Variants in RRBP1 observed in about 807,000 individuals in gnomAD.
The protein encoded by RRBP1 is ribosome binding protein 1.
In RRBP1, 94 loss-of-function variants were observed where a neutral mutation model predicts 165.2. The ratio of observed to expected loss-of-function variants is 0.57; its 90% CI spans 0.48 to 0.68. The LOEUF is 0.68. RRBP1 is among the 30% of genes least tolerant of loss of function. RRBP1 has a pLI of 0.00. For missense variants in RRBP1, 1,676 were observed against 1,763.0 expected (o/e 0.95, Z 0.88); for synonymous variants, 680 against 714.5 (o/e 0.95, Z 0.77).
chr20:17,647,208 AAAGTT>A (rs1340765996), intron 3 of RRBP1, among the ~76,000 whole-genome samples: 2 of 152,220 alleles, frequency 1.3e-5, no homozygotes, highest in African/African-American at 4.8e-5. Context: ...CTGGGCCTGG[AAAGTT>A]AAGTTATAGG....
chr20:17,615,482 G>T lies in RRBP1; in HGVS notation c.3999C>A (p.Arg1333=), dbSNP rs773235246. 6.2e-6 allele frequency: 10 copies of T among 1,607,654 alleles called. No individual in the cohort carries two copies. The highest frequency in any genetic ancestry group is 7.6e-6 in the Non-Finnish European group (9 of 1,178,052). Residue 1333 remains arginine, a synonymous_variant, in exon 23 of 25, where the codon CGC becomes CGA. Coordinates refer to ENST00000377813, the MANE Select transcript of RRBP1 (RefSeq NM_001365613.2). ...CTGAAGACTCTAGGGGGCCGGCTGT[G>T]CGGAGCTTCTCCAATTCTTCTTGTA... ...CRLQEELEKL[R]TAGPLESSET...
intron 5 of RRBP1, among the ~76,000 whole-genome samples, chr20:17,639,668 C>T (rs542429049): frequency 2.9e-4 from 44 of 152,176 alleles, no homozygotes; most frequent in African/African-American, 1.0e-3. Context: ...CCGAGGTGGG[C>T]GGATCACCTG....
intron 9 of RRBP1, 127 bp from the exon 10 acceptor site, chr20:17,627,809 G>A (rs754918047): frequency 6.9e-5 from 61 of 879,250 alleles, no homozygotes; most frequent in Non-Finnish European, 9.7e-5. Flanking sequence ...TCCTCTGTGT[G>A]TCTGGGGCTC....
chr20:17,663,666 G>A (rs1272921019), intron 2 of RRBP1, among the ~76,000 whole-genome samples: 2 of 152,216 alleles, frequency 1.3e-5, no homozygotes, highest in Admixed American at 1.3e-4. Flanking sequence ...TCAGTGAGGC[G>A]TAAACATCAT....
intron 3 of RRBP1, among the ~76,000 whole-genome samples, chr20:17,648,767 G>A (rs1158995922): frequency 6.6e-6 from 1 of 151,944 alleles, no homozygotes; most frequent in East Asian, 1.9e-4. Flanking sequence ...TTTTATACCT[G>A]GAGTTAAAAA....
chr20:17,657,606 A>AAGGAG (rs1021442703), intron 3 of RRBP1, among the ~76,000 whole-genome samples: 2 of 152,196 alleles, frequency 1.3e-5, no homozygotes, highest in Non-Finnish European at 2.9e-5. Context: ...AAGAAAAGGA[A>AAGGAG]AGGAGAGGAG....
chr20:17,633,987 C>T (rs6044920), intron 7 of RRBP1, among the ~76,000 whole-genome samples: 7,949 of 152,250 alleles, frequency 0.052, 629 homozygotes, highest in African/African-American at 0.17. Context: ...CAGCAGCCCA[C>T]GGAGTCCACG....
In RRBP1 at chr20:17,655,131, G is replaced by C. The variant is rs2036624405; in HGVS notation, c.1912+3465C>G. 1.3e-5 allele frequency among the ~76,000 whole-genome samples: 2 copies of C among 152,174 alleles called. 1 individual carries two copies. Among genetic ancestry groups the C allele is most frequent in the South Asian group, 4.1e-4 (2 of 4,828 alleles). ...TTTCCAAAGGGCGTTCCCAGCTCCA[G>C]GGGGCGCTGTCACAAACACAAGATC... On this transcript the variant is annotated intron_variant, in intron 3 of 24. Coordinates refer to ENST00000377813, the MANE Select transcript of RRBP1 (RefSeq NM_001365613.2).
intron 3 of RRBP1, among the ~76,000 whole-genome samples, chr20:17,644,792 T>TG (rs1270728242): frequency 1.3e-5 from 2 of 151,920 alleles, no homozygotes; most frequent in Non-Finnish European, 2.9e-5. Flanking sequence ...AGATTTGGTA[T>TG]GAAAAAAAAA....
chr20:17,639,517 G>A (rs1476896521), intron 5 of RRBP1, among the ~76,000 whole-genome samples: 2 of 152,244 alleles, frequency 1.3e-5, no homozygotes, highest in Non-Finnish European at 1.5e-5. Flanking sequence ...ATTAAGGTAA[G>A]AGGAACTGCC....
intron 11 of RRBP1, 106 bp downstream of exon 11, chr20:17,627,242 T>C: frequency 8.7e-7 from 1 of 1,143,036 alleles, no homozygotes; most frequent in Non-Finnish European, 1.3e-6. Context: ...AAAGGGGCTC[T>C]TCTGCAGAGG....
rs926957605 is a variant in RRBP1 at position 17,621,786 on chromosome 20, A to G, written c.3241-13T>C. 3 of 1,613,696 alleles carry G rather than the reference A, an allele frequency of 1.9e-6. No homozygotes were observed. The African/African-American group carries it at 4.0e-5, about 22-fold the overall frequency. The stretch of plus-strand genomic sequence containing the variant: ...ACTCGGTGTAATTCTGCAATGAAAC[A>G]CATTCGGTGAGACCCGGGGACATTC... On this transcript the variant is annotated splice_polypyrimidine_tract_variant and intron_variant, in intron 14 of 24. Coordinates refer to ENST00000377813, the MANE Select transcript of RRBP1 (RefSeq NM_001365613.2).
At chr20:17,663,614 C>T (rs533187899) in intron 2 of RRBP1, among the ~76,000 whole-genome samples, 1 of 152,302 alleles carries the variant, frequency 6.6e-6, no homozygotes, top group East Asian at 1.9e-4. Flanking sequence ...GCAAAGAAAT[C>T]GAAATGAAAA....
At position 17,635,561 on chromosome 20, in the gene RRBP1, C is replaced by A; in HGVS notation, c.2441G>T (p.Ser814Ile). The change falls in exon 7 of 25, where the codon AGC (serine) becomes ATC (isoleucine). Residue 814 changes from serine (S) to isoleucine (I), a missense_variant. By Grantham distance (142) the Ser-to-Ile change is moderately radical. Around this residue, in one of 5 missense-constraint regions of RRBP1, gnomAD observed 1,184 missense variants for 1,167.1 expected, o/e 1.01. Coordinates refer to ENST00000377813, the MANE Select transcript of RRBP1 (RefSeq NM_001365613.2). Reference sequence around the variant, plus strand: ...CTCAGCTTACTTGCTCTCCACCTGGCTCGTGGCCTGGTTCAAGGCATCCCG... The same window carrying A: ...CTCAGCTTACTTGCTCTCCACCTGGATCGTGGCCTGGTTCAAGGCATCCCG... ...ILRDALNQAT[S>I]QVESKQNAEL... 1 of 1,611,778 alleles carries A rather than the reference C, an allele frequency of 6.2e-7. No homozygotes were observed. The highest frequency in any genetic ancestry group is 8.5e-7 in the Non-Finnish European group (1 of 1,179,320).
At chr20:17,646,108 C>T in intron 3 of RRBP1, among the ~76,000 whole-genome samples, 1 of 152,146 alleles carries the variant, frequency 6.6e-6, no homozygotes, top group East Asian at 1.9e-4. Context: ...GACAAATAAC[C>T]ACACAGGCCT....
intron 1 of RRBP1, among the ~76,000 whole-genome samples, chr20:17,681,498 C>T (rs1353726767): frequency 2.0e-5 from 3 of 149,026 alleles, no homozygotes; most frequent in Middle Eastern, 3.5e-3. Context: ...CGTGGGCCCC[C>T]ATTCAATCCC....
In RRBP1 at chr20:17,633,495, C is replaced by A. The variant is rs755202442; in HGVS notation, c.2575G>T (p.Ala859Ser). 6.2e-7 allele frequency: 1 copy of A among 1,613,978 alleles called. No homozygotes were observed. Among genetic ancestry groups the A allele is most frequent in the Non-Finnish European group, 8.5e-7 (1 of 1,180,028 alleles). Residue 859 changes from alanine (A) to serine (S), a missense_variant, in exon 8 of 25, where the codon GCA becomes TCA. By Grantham distance (99) the Ala-to-Ser change is moderately conservative. Around this residue, in one of 5 missense-constraint regions of RRBP1, gnomAD observed 1,184 missense variants for 1,167.1 expected, o/e 1.01. Coordinates refer to ENST00000377813, the MANE Select transcript of RRBP1 (RefSeq NM_001365613.2). ...EQQRKALEAK[A>S]AAFEKQVLQL... Reference sequence around the variant, plus strand: ...AGGACCTGCTTCTCGAAGGCAGCTGCCTTGGCTTCCAGAGCTTTCCGCTGC... The same window carrying A: ...AGGACCTGCTTCTCGAAGGCAGCTGACTTGGCTTCCAGAGCTTTCCGCTGC...
Position 17,614,011 on chromosome 20 carries a change from C to T in RRBP1, c.*171G>A, listed in dbSNP as rs2035741784. 1 of 655,584 alleles carries T rather than the reference C, an allele frequency of 1.5e-6. No homozygotes were observed. The highest frequency in any genetic ancestry group is 2.8e-6 in the Non-Finnish European group (1 of 363,026). 40.6% of individuals were successfully genotyped at this position (655,584 alleles called of 1,614,324 possible). A position where few individuals can be genotyped will look rare whatever the true frequency, so the allele number is the denominator to read the frequency against. On this transcript the variant is annotated 3_prime_UTR_variant, in exon 25 of 25. Coordinates refer to ENST00000377813, the MANE Select transcript of RRBP1 (RefSeq NM_001365613.2). ...ACACAGGTTCATTTACAAACTGGGG[C>T]TCTGGAAGGTCTACTTCTGTGGCTC...
intron 11 of RRBP1, among the ~76,000 whole-genome samples, chr20:17,626,733 CCT>C (rs1291774753): frequency 6.7e-6 from 1 of 148,942 alleles, no homozygotes; most frequent in South Asian, 2.2e-4. Context: ...GACTCCGGCC[CCT>C]GACTCGAGCC....
Sources: allele counts gnomAD v4.1 joint callset (sites outside exome capture counted in the v4.1 genomes callset), GRCh38; gene constraint gnomAD v4.1.1; regional missense constraint gnomAD v4.1.1; transcripts MANE v1.5; gene names NCBI Gene and HGNC (gene_info 2026-07-23, HGNC 2026-07-21).